The following CAPN11 variants were observed in gnomAD, a reference collection of about 807,000 sequenced individuals.
CAPN11 encodes calpain-11.
A neutral mutation model predicts 105.3 loss-of-function variants in CAPN11; 108 were observed. The observed-to-expected ratio is 1.03, with a 90% CI of 0.88 to 1.20. The LOEUF is 1.20. Among genes scored for constraint, CAPN11 ranks in the 50% most tolerant of loss-of-function variants. The pLI is 0.00. For missense variants in CAPN11, 883 were observed against 924.8 expected (o/e 0.95, Z 0.59); for synonymous variants, 329 against 344.5 (o/e 0.96, Z 0.50).
chr6:44,177,675 C>T (rs1237284326), intron 12 of CAPN11: 11 of 414,994 alleles, frequency 2.7e-5, no homozygotes, highest in Non-Finnish European at 4.4e-5. Flanking sequence ...TTAGTAGAGA[C>T]GGGGTTTCAC....
Position 44,173,009 on chromosome 6 carries a change from G to T in CAPN11, c.598G>T (p.Val200Leu). 1.2e-6 allele frequency: 2 copies of T among 1,613,220 alleles called. No homozygotes were observed. Among genetic ancestry groups the T allele is most frequent in the Middle Eastern group, 1.6e-4 (1 of 6,062 alleles). ...DRLPTKNDKLVFVHSTERSEF... is the reference protein window; with the variant it reads ...DRLPTKNDKLLFVHSTERSEF... ...GCTGCCCACAAAGAATGACAAGCTG[G>T]TGTTTGTGCACTCAACCGAACGCAG... Residue 200 changes from valine to leucine, a missense_variant, in exon 6 of 23, where the codon GTG becomes TTG. By Grantham distance (32) the Val-to-Leu change is conservative. Coordinates refer to ENST00000398776, the MANE Select transcript of CAPN11 (RefSeq NM_007058.4).
rs371144537 is a variant in CAPN11 at position 44,166,761 on chromosome 6, C to G, written c.20C>G (p.Pro7Arg). The stretch of plus-strand genomic sequence containing the variant: ...CTCCCACTCTTTCTTATTCTAGGGC[C>G]GAGTCTTCCGGAGTCAGCAGAGAGC... MLYSPG[P>R]SLPESAESLD... The change falls in exon 2 of 23, where the codon CCG (proline) becomes CGG (arginine). Residue 7 changes from proline (P) to arginine (R), a missense_variant. By Grantham distance (103) the Pro-to-Arg change is moderately radical (BLOSUM62 -2). Coordinates refer to ENST00000398776, the MANE Select transcript of CAPN11 (RefSeq NM_007058.4). 2.0e-4 allele frequency: 310 copies of G among 1,551,514 alleles called. 1 individual carries two copies. The African/African-American group carries it at 4.0e-3, about 20-fold the overall frequency.
rs536427133 is a variant in CAPN11 at position 44,180,500 on chromosome 6, GT to G, written c.1680+2del. 1.9e-6 allele frequency: 3 copies of G among 1,613,892 alleles called. No individual in the cohort carries two copies. Among genetic ancestry groups the G allele is most frequent in the Admixed American group, 3.3e-5 (2 of 60,018 alleles). On this transcript the variant is annotated splice_donor_variant, in intron 15 of 22. Transcript: ENST00000398776. LOFTEE classifies it high-confidence loss of function. ...CAACTATGCTGAGCAACTCCAAGAG[GT>G]GAGGGGAGACTGTAGGGCTGGGGGT... is the stretch of plus-strand genomic sequence containing the variant.
chr6:44,159,086 G>T (rs1164702101), intron 1 of CAPN11, among the ~76,000 whole-genome samples: 1 of 152,092 alleles, frequency 6.6e-6, no homozygotes. Flanking sequence ...CAGACTGTTT[G>T]GGGAAGGATA....
rs868622749 is a variant in CAPN11, at chr6:44,179,892, G to A, written c.1429-60G>A. ...TGCCCGGCCAGGCTGTTCACCCTGG[G>A]GGACCCTCCCTCCCTAACCTCCCAT... On this transcript the variant is annotated intron_variant, in intron 13 of 22. Coordinates refer to ENST00000398776, the MANE Select transcript of CAPN11 (RefSeq NM_007058.4). The A allele has an allele frequency of 5.4e-5, 74 of 1,365,884 alleles. 1 individual carries two copies. In the South Asian group the frequency reaches 8.8e-4, roughly 16 times the overall value. 84.6% of individuals were successfully genotyped at this position (1,365,884 alleles called of 1,614,324 possible).
intron 13 of CAPN11, 73 bp from the exon 14 acceptor site, chr6:44,179,879 C>T: frequency 5.7e-6 from 7 of 1,220,132 alleles, no homozygotes; most frequent in Non-Finnish European, 8.5e-6. Context: ...CCCGGCCAGG[C>T]TGTTCACCCT....
At chr6:44,159,370 T>G (rs995728521) in intron 1 of CAPN11, among the ~76,000 whole-genome samples, 1 of 151,356 alleles carries the variant, frequency 6.6e-6, no homozygotes, top group Non-Finnish European at 1.5e-5. Flanking sequence ...GGGACCAGAC[T>G]CCAGGAGATG....
At chr6:44,179,755 G>C in intron 13 of CAPN11, 125 bp downstream of exon 13, 1 of 1,090,158 alleles carries the variant, frequency 9.2e-7, no homozygotes, top group South Asian at 1.3e-5. Context: ...TAGGATTCCA[G>C]CCCTCTTCAG....
At chr6:44,159,263 CAG>C (rs915685342) in intron 1 of CAPN11, among the ~76,000 whole-genome samples, 3 of 152,146 alleles carry the variant, frequency 2.0e-5, no homozygotes, top group Non-Finnish European at 2.9e-5. Context: ...CTTTAGGGAA[CAG>C]AGAGAACCTC....
chr6:44,172,802 C>A, intron 5 of CAPN11, 138 bp from the exon 6 acceptor site: 1 of 984,456 alleles, frequency 1.0e-6, no homozygotes, highest in Non-Finnish European at 1.5e-6. Flanking sequence ...CGGGCTCAGG[C>A]TTTGGGTTGC....
Position 44,176,634 on chromosome 6 carries a change from A to G in CAPN11, c.1055A>G (p.Lys352Arg), listed in dbSNP as rs2128307907. Residue 352 changes from lysine to arginine, a missense_variant, in exon 10 of 23, where the codon AAG becomes AGG. By Grantham distance (26) the Lys-to-Arg change is conservative. Transcript: ENST00000398776. The stretch of plus-strand genomic sequence containing the variant: ...GACATCCAGATGCAGCTGCTGCACA[A>G]GACGGAGGACGGGGAGTTCTGGTCA... ...ASDIQMQLLH[K>R]TEDGEFWMSY... is the part of the protein sequence containing the mutation. 1.2e-6 allele frequency: 2 copies of G among 1,606,722 alleles called. No homozygotes were observed. The highest frequency in any genetic ancestry group is 2.2e-5 in the East Asian group (1 of 44,748).
At chr6:44,168,759 C>T (rs1770441430) in intron 2 of CAPN11, among the ~76,000 whole-genome samples, 1 of 151,938 alleles carries the variant, frequency 6.6e-6, no homozygotes, top group Non-Finnish European at 1.5e-5. Flanking sequence ...AGCTGGATTA[C>T]AGGCATCTTG....
In CAPN11 at chr6:44,183,932, G is replaced by C; in HGVS notation, c.2220G>C (p.Ter740TyrextTer92). The change falls in exon 23 of 23, where the codon TAG becomes TAC. Residue 740 changes from the stop codon to tyrosine, a stop_lost. Transcript: ENST00000398776. The part of the protein sequence containing the change: ...EQWLQMTMWG[*>Y] ...GGCTGCAGATGACCATGTGGGGATA[G>C]AGGCGCTGTAGGAGCCTGGTCATCT... 6.4e-7 allele frequency: 1 copy of C among 1,554,984 alleles called. No individual in the cohort carries two copies. Among genetic ancestry groups the C allele is most frequent in the Non-Finnish European group, 8.7e-7 (1 of 1,148,880 alleles).
At chr6:44,172,563 C>G in intron 5 of CAPN11, 143 bp downstream of exon 5, 1 of 600,410 alleles carries the variant, frequency 1.7e-6, no homozygotes, top group Non-Finnish European at 2.9e-6. Flanking sequence ...AATATCTGCC[C>G]ACCAAAGAAA....
chr6:44,168,611 T>A (rs1005269624), intron 2 of CAPN11, among the ~76,000 whole-genome samples: 1 of 150,260 alleles, frequency 6.7e-6, no homozygotes, highest in Non-Finnish European at 1.5e-5. Flanking sequence ...TTAAAAAAAA[T>A]ATTTATTTAT....
At chr6:44,172,659 C>T (rs61403960) in intron 5 of CAPN11, among the ~76,000 whole-genome samples, 17,066 of 152,180 alleles carry the variant, frequency 0.11, 1,022 homozygotes, top group Middle Eastern at 0.2. Context: ...TCTTCCTCTC[C>T]ACTGTGTGTG....
intron 7 of CAPN11, among the ~76,000 whole-genome samples, chr6:44,173,916 T>TCTCC (rs1302363840): frequency 6.6e-6 from 1 of 152,164 alleles, no homozygotes; most frequent in African/African-American, 2.4e-5. Flanking sequence ...GTTTTTACTT[T>TCTCC]CTCCCCAACA....
chr6:44,164,065 G>A (rs891657816), intron 1 of CAPN11, among the ~76,000 whole-genome samples: 30 of 151,994 alleles, frequency 2.0e-4, no homozygotes, highest in African/African-American at 6.3e-4. Flanking sequence ...TGCTGGTCTC[G>A]TGAGGCTGAG....
At position 44,172,931 on chromosome 6, in the gene CAPN11, T is replaced by C; in HGVS notation, c.529-9T>C. On this transcript the variant is annotated splice_polypyrimidine_tract_variant and intron_variant, in intron 5 of 22. Transcript: ENST00000398776. ...TCCCACGCAAGGGGTGTGTGTTTGC[T>C]ACCCACAGATTTGGCAGTTTGGACA... is the stretch of plus-strand genomic sequence containing the variant. 1 of 1,612,872 alleles carries C rather than the reference T, an allele frequency of 6.2e-7. No homozygotes were observed. The highest frequency in any genetic ancestry group is 8.5e-7 in the Non-Finnish European group (1 of 1,179,380).
Sources: allele counts gnomAD v4.1 joint callset (sites outside exome capture counted in the v4.1 genomes callset), GRCh38; gene constraint gnomAD v4.1.1; transcripts MANE v1.5; gene names NCBI Gene and HGNC (gene_info 2026-07-23, HGNC 2026-07-21).